SERPINH1: variants seen among roughly 807,000 people sequenced by gnomAD.
The protein encoded by SERPINH1 is serpin family H member 1.
SERPINH1 carries 22 observed loss-of-function variants against 32.3 expected under a neutral mutation model. That is an observed-to-expected ratio of 0.68 (90% CI 0.49 to 0.97). The LOEUF (loss-of-function observed/expected upper bound fraction) is 0.97. Among genes scored for constraint, SERPINH1 ranks in the 50% least tolerant of loss-of-function variants. SERPINH1 has a pLI of 0.00. For missense variants in SERPINH1, 543 were observed against 576.4 expected (o/e 0.94, Z 0.59); for synonymous variants, 251 against 245.9 (o/e 1.02, Z -0.19).
In SERPINH1 at chr11:75,572,141, G is replaced by A; in HGVS notation, c.*58G>A. 6.5e-7 allele frequency: 1 copy of A among 1,549,864 alleles called. No individual in the cohort carries two copies. The highest frequency in any genetic ancestry group is 1.1e-5 in the South Asian group (1 of 88,646). On this transcript the variant is annotated 3_prime_UTR_variant, in exon 5 of 5. Coordinates refer to ENST00000358171, the MANE Select transcript of SERPINH1 (RefSeq NM_001235.5). ...ATCCAAAGGCTCCTGAGACACATGG[G>A]TGCTATTGGGGTTGGGGGGGAGGTG...
chr11:75,570,156 C>A (rs1942171431), intron 4 of SERPINH1, among the ~76,000 whole-genome samples: 1 of 152,054 alleles, frequency 6.6e-6, no homozygotes, highest in African/African-American at 2.4e-5. Context: ...GCCTTTTTGT[C>A]AATCGAGAGA....
chr11:75,570,160 C>T (rs1436798472), intron 4 of SERPINH1, among the ~76,000 whole-genome samples: 3 of 152,002 alleles, frequency 2.0e-5, no homozygotes, highest in Non-Finnish European at 4.4e-5. Flanking sequence ...TTTTGTCAAT[C>T]GAGAGATATT....
intron 4 of SERPINH1, 98 bp from the exon 5 acceptor site, chr11:75,571,681 CCT>C (rs1267142925): frequency 5.4e-6 from 6 of 1,116,376 alleles, no homozygotes; most frequent in Non-Finnish European, 6.7e-6. Context: ...GTGGTTCTCT[CCT>C]CTCTGAGGAG....
At chr11:75,562,755 A>G (rs534873253) in intron 1 of SERPINH1, 1 of 152,336 alleles carries the variant, frequency 6.6e-6, no homozygotes, top group African/African-American at 2.4e-5. Context: ...TCGCAGTTCC[A>G]GGTCACTTCC....
chr11:75,567,033 G>A, intron 2 of SERPINH1, 62 bp downstream of exon 2: 2 of 1,545,138 alleles, frequency 1.3e-6, no homozygotes, highest in Admixed American at 1.8e-5. Context: ...CAAGAGTTAG[G>A]ACGACATTCC....
intron 4 of SERPINH1, among the ~76,000 whole-genome samples, chr11:75,569,595 G>A (rs1236545635): frequency 1.3e-5 from 2 of 151,834 alleles, no homozygotes; most frequent in Non-Finnish European, 2.9e-5. Context: ...GCTAATTTTT[G>A]TATTTTTAAT....
chr11:75,572,089 C>T lies in SERPINH1; in HGVS notation c.*6C>T, dbSNP rs1007224540. The T allele has an allele frequency of 2.5e-6, 4 of 1,613,794 alleles. No individual in the cohort carries two copies. Among genetic ancestry groups the T allele is most frequent in the Non-Finnish European group, 3.4e-6 (4 of 1,179,948 alleles). The stretch of plus-strand genomic sequence containing the variant: ...AGATGCGAGACGAGTTATAGGGCCT[C>T]AGGGTGCACACAGGATGGCAGGAGG... On this transcript the variant is annotated 3_prime_UTR_variant, in exon 5 of 5. Coordinates refer to ENST00000358171, the MANE Select transcript of SERPINH1 (RefSeq NM_001235.5).
chr11:75,565,950 T>C lies in SERPINH1; in HGVS notation c.-34-366T>C, dbSNP rs185419773. Among the ~76,000 whole-genome samples the C allele has an allele frequency of 7.9e-5, 12 of 152,362 alleles. No homozygotes were observed. In the East Asian group the frequency reaches 1.4e-3, roughly 17 times the overall value. Reference sequence around the variant, plus strand: ...TCGTTCAGGAAGAGCTGAGGCCTACTGTGTACTAGGCACGGGAGATATAGT... The same window carrying C: ...TCGTTCAGGAAGAGCTGAGGCCTACCGTGTACTAGGCACGGGAGATATAGT... On this transcript the variant is annotated intron_variant, in intron 1 of 4. Transcript: ENST00000358171.
intron 2 of SERPINH1, 55 bp downstream of exon 2, chr11:75,567,026 G>A (rs1301534319): frequency 1.3e-6 from 2 of 1,556,454 alleles, no homozygotes; most frequent in East Asian, 4.6e-5. Context: ...CCCCCTGCAA[G>A]AGTTAGGACG....
At chr11:75,565,141 G>A (rs1942051129) in intron 1 of SERPINH1, among the ~76,000 whole-genome samples, 1 of 152,228 alleles carries the variant, frequency 6.6e-6, no homozygotes, top group South Asian at 2.1e-4. Context: ...CCAAATTGGA[G>A]GCCCCAGAGA....
At chr11:75,564,293 G>C (rs376424621) in intron 1 of SERPINH1, among the ~76,000 whole-genome samples, 6 of 152,354 alleles carry the variant, frequency 3.9e-5, no homozygotes, top group African/African-American at 1.4e-4. Context: ...TCCCAAACCA[G>C]TTATTTGGAG....
chr11:75,569,429 TA>T, intron 4 of SERPINH1: 3 of 405,398 alleles, frequency 7.4e-6, no homozygotes, highest in East Asian at 8.7e-5. Flanking sequence ...GTATTATTAT[TA>T]TTTTTTTTTT....
At position 75,566,494 on chromosome 11, in the gene SERPINH1, G is replaced by A. The variant is rs1942077695; in HGVS notation, c.145G>A (p.Gly49Ser). Residue 49 changes from glycine to serine, a missense_variant, in exon 2 of 5, where the codon GGC becomes AGC. Physicochemically the swap from Gly to Ser is moderately conservative, Grantham distance 56. Around this residue, in one of 3 missense-constraint regions of SERPINH1, gnomAD observed 109 missense variants for 102.4 expected, o/e 1.06. Transcript: ENST00000358171. ...GGCCACGCTTGCCGAGCGCAGCGCCGGCCTGGCCTTCAGCTTGTACCAGGC... is the reference window on the plus strand; with the variant it reads ...GGCCACGCTTGCCGAGCGCAGCGCCAGCCTGGCCTTCAGCTTGTACCAGGC... ...KAATLAERSA[G>S]LAFSLYQAMA... is the part of the protein sequence containing the mutation. The A allele has an allele frequency of 3.1e-6, 5 of 1,612,386 alleles. No homozygotes were observed. Among genetic ancestry groups the A allele is most frequent in the African/African-American group, 2.7e-5 (2 of 75,054 alleles).
In SERPINH1 at chr11:75,565,136, T is replaced by C. The variant is rs1038018089; in HGVS notation, c.-34-1180T>C. On this transcript the variant is annotated intron_variant, in intron 1 of 4. Coordinates refer to ENST00000358171, the MANE Select transcript of SERPINH1 (RefSeq NM_001235.5). The stretch of plus-strand genomic sequence containing the variant: ...ATCCCAGGAACAGAGACTGTCCAAA[T>C]TGGAGGCCCCAGAGAGGGAACTGGG... Among the ~76,000 whole-genome samples, 8 of 152,282 alleles carry C rather than the reference T, an allele frequency of 5.3e-5. No individual in the cohort carries two copies. In the South Asian group the frequency reaches 1.7e-3, roughly 32 times the overall value.
In SERPINH1 at chr11:75,572,203, G is replaced by A. The variant is rs1464617770; in HGVS notation, c.*120G>A. ...TTGGATACTCCATGGGGTGGGGGTG[G>A]AAAAACAGACCGGGGTTCCCGTGTG... On this transcript the variant is annotated 3_prime_UTR_variant, in exon 5 of 5. Coordinates refer to ENST00000358171, the MANE Select transcript of SERPINH1 (RefSeq NM_001235.5). 5.0e-6 allele frequency: 5 copies of A among 992,172 alleles called. No homozygotes were observed. The highest frequency in any genetic ancestry group is 6.2e-6 in the Non-Finnish European group (4 of 648,726). The allele number at this position is 992,172 out of a possible 1,614,324, so 61.5% of individuals were successfully genotyped here. A position where few individuals can be genotyped will look rare whatever the true frequency, so the allele number is the denominator to read the frequency against.
rs1210096447 is a variant in SERPINH1, at chr11:75,571,887, C to T, written c.1061C>T (p.Ala354Val). 2.3e-5 allele frequency: 37 copies of T among 1,614,122 alleles called. No homozygotes were observed. Among genetic ancestry groups the T allele is most frequent in the Non-Finnish European group, 3.1e-5 (37 of 1,180,056 alleles). The change falls in exon 5 of 5, where the codon GCC becomes GTC. Residue 354 changes from alanine (A) to valine (V), a missense_variant. Ala to Val is a moderately conservative substitution (Grantham distance 64). Transcript: ENST00000358171. ...KDLYLASVFHATAFELDTDGN... is the reference protein window; with the variant it reads ...KDLYLASVFHVTAFELDTDGN... ...CTGTACCTGGCCAGCGTGTTCCACG[C>T]CACCGCCTTTGAGTTGGACACAGAT...
At chr11:75,562,646 G>C (rs2135547649) in intron 1 of SERPINH1, 1 of 152,718 alleles carries the variant, frequency 6.5e-6, no homozygotes, top group East Asian at 1.9e-4. Flanking sequence ...GTGTAAAGGG[G>C]GCTGGGGGCA....
chr11:75,564,409 C>T (rs1372581122), intron 1 of SERPINH1, among the ~76,000 whole-genome samples: 3 of 152,200 alleles, frequency 2.0e-5, no homozygotes, highest in Non-Finnish European at 4.4e-5. Context: ...GGCTCTTCAG[C>T]TGCCTCCTCA....
chr11:75,568,443 T>G, intron 2 of SERPINH1: 1 of 487,818 alleles, frequency 2.0e-6, no homozygotes, highest in Non-Finnish European at 3.8e-6. Flanking sequence ...GGGGTGGCCA[T>G]AGAGGTGGCT....
Sources: allele counts gnomAD v4.1 joint callset (sites outside exome capture counted in the v4.1 genomes callset), GRCh38; gene constraint gnomAD v4.1.1; regional missense constraint gnomAD v4.1.1; transcripts MANE v1.5; gene names NCBI Gene and HGNC (gene_info 2026-07-23, HGNC 2026-07-21).